Variants in RGN observed in about 807,000 individuals in gnomAD.
RGN encodes the protein epididymis secretory protein Li 41.
RGN carries 19 observed loss-of-function variants against 20.6 expected under a neutral mutation model. That is an observed-to-expected ratio of 0.92 (90% CI 0.64 to 1.35). The LOEUF (loss-of-function observed/expected upper bound fraction) is 1.35. Ranked by LOEUF, RGN falls within the 40% of genes most tolerant of loss-of-function variation. The probability of loss-of-function intolerance (pLI) is 0.00; values close to 1 mark genes in which losing one functional copy is unlikely to be tolerated. For missense variants in RGN, 302 were observed against 232.7 expected (o/e 1.30, Z -1.94); for synonymous variants, 85 against 87.2 (o/e 0.97, Z 0.14).
intron 5 of RGN, 35 bp from the exon 6 acceptor site, chrX:47,091,643 G>C (rs782338385): frequency 1.3e-5 from 15 of 1,188,738 alleles, no homozygotes; most frequent in Admixed American, 2.4e-5. Flanking sequence ...TTGTTTTGTT[G>C]TGGTTCTGTT....
At chrX:47,087,435 T>C (rs897272004) in intron 4 of RGN, 3 of 111,763 alleles carry the variant, frequency 2.7e-5, no homozygotes, top group Non-Finnish European at 5.6e-5. Flanking sequence ...GATAAAGATA[T>C]GTGATTGGAT....
chrX:47,092,370 A>G (rs1204571349), intron 7 of RGN, among the ~76,000 whole-genome samples, 155 bp downstream of exon 7: 3 of 111,742 alleles, frequency 2.7e-5, no homozygotes, highest in Non-Finnish European at 3.8e-5. Context: ...TTTTATTTCA[A>G]TTTTCTAGAG....
chrX:47,081,049 G>C, intron 2 of RGN, 81 bp from the exon 3 acceptor site: 1 of 685,980 alleles, frequency 1.5e-6, no homozygotes, highest in Non-Finnish European at 2.3e-6. Flanking sequence ...AGTGTATCCA[G>C]CCTTGCCAGT....
At position 47,081,162 on chromosome X, in the gene RGN, T is replaced by C; in HGVS notation, c.18T>C (p.Ile6=). MSSIK[I]ECVLPENCRC... ...CTGCGACCATGTCTTCCATTAAGAT[T>C]GAGTGTGTTTTGCCAGAGAACTGCC... is the stretch of plus-strand genomic sequence containing the variant. The change falls in exon 3 of 8, where the codon ATT becomes ATC. Residue 6 remains isoleucine, a synonymous_variant. Transcript: ENST00000397180. 8.3e-7 allele frequency: 1 copy of C among 1,207,486 alleles called. No homozygotes were observed. The highest frequency in any genetic ancestry group is 3.0e-5 in the East Asian group (1 of 33,814).
In RGN at chrX:47,089,622, CACACACACACAT is replaced by C. The variant is rs1556386364; in HGVS notation, c.347-152_347-141del. Among the ~76,000 whole-genome samples, 4 of 52,660 alleles carry C rather than the reference CACACACACACAT, an allele frequency of 7.6e-5. No homozygotes were observed. The East Asian group carries it at 2.0e-3, about 26-fold the overall frequency. The allele number at this position is 52,660 out of a possible 115,157, so 45.7% of individuals were successfully genotyped here. On this transcript the variant is annotated intron_variant, in intron 4 of 7. Coordinates refer to ENST00000397180, the MANE Select transcript of RGN (RefSeq NM_152869.4). Reference sequence around the variant, plus strand: ...ATACACACACACACACACACACACACACACACACACATATATATATATGGCCCAGATTGGAAT... The same window carrying C: ...ATACACACACACACACACACACACACATATATATATGGCCCAGATTGGAAT...
Position 47,087,955 on chromosome X carries a change from TATATTATATTAATATATA to T in RGN, c.347-1809_347-1792del, listed in dbSNP as rs1303749141. On this transcript the variant is annotated intron_variant, in intron 4 of 7. Coordinates refer to ENST00000397180, the MANE Select transcript of RGN (RefSeq NM_152869.4). ...TTATATAATATATAATACAACTATA[TATATTATATTAATATATA>T]ATATTATATTATATATAATTATAAT... Among the ~76,000 whole-genome samples the T allele has an allele frequency of 7.0e-5, 7 of 100,142 alleles. No homozygotes were observed. In the South Asian group the frequency reaches 2.0e-3, roughly 29 times the overall value. 87.0% of individuals were successfully genotyped at this position (100,142 alleles called of 115,157 possible).
intron 3 of RGN, among the ~76,000 whole-genome samples, chrX:47,081,775 G>C (rs1197104852): frequency 6.3e-5 from 7 of 111,326 alleles, no homozygotes; most frequent in African/African-American, 2.0e-4. Context: ...TCAAACTCCT[G>C]GGCTCAAGAG....
rs1930278858 is a variant in RGN, at chrX:47,081,134, C to G, written c.-11C>G. ...CACCTCTGTTACCTTCAATAGATCT[C>G]CCCTGCGACCATGTCTTCCATTAAG... is the stretch of plus-strand genomic sequence containing the variant. On this transcript the variant is annotated 5_prime_UTR_variant, in exon 3 of 8. Transcript: ENST00000397180. 1 of 1,200,653 alleles carries G rather than the reference C, an allele frequency of 8.3e-7. No homozygotes were observed. Among genetic ancestry groups the G allele is most frequent in the East Asian group, 3.0e-5 (1 of 33,796 alleles).
intron 3 of RGN, among the ~76,000 whole-genome samples, chrX:47,083,732 G>C (rs1302908605): frequency 9.0e-6 from 1 of 111,327 alleles, no homozygotes; most frequent in Non-Finnish European, 1.9e-5. Flanking sequence ...CCAACATGGT[G>C]AAACCCCATC....
In RGN at chrX:47,081,299, T is replaced by A. The variant is rs782736320; in HGVS notation, c.155T>A (p.Val52Glu). 1.7e-6 allele frequency: 2 copies of A among 1,207,534 alleles called. No individual in the cohort carries two copies. The highest frequency in any genetic ancestry group is 3.5e-5 in the African/African-American group (2 of 56,674). Reference protein sequence around the residue: ...WDSFTKQVQRVTMDAPVSSVA... With the variant: ...WDSFTKQVQRETMDAPVSSVA... ...TCATTCACCAAGCAAGTACAGCGAG[T>A]GACCATGGGTAAGGATGAAGGCTGG... The change falls in exon 3 of 8, where the codon GTG becomes GAG. Residue 52 changes from valine to glutamate, a missense_variant. Coordinates refer to ENST00000397180, the MANE Select transcript of RGN (RefSeq NM_152869.4).
At chrX:47,091,593 T>A in intron 5 of RGN, 85 bp from the exon 6 acceptor site, 1 of 1,050,417 alleles carries the variant, frequency 9.5e-7, no homozygotes, top group South Asian at 2.2e-5. Context: ...TATAACCAGC[T>A]TGAGAGCTCT....
chrX:47,086,020 A>T (rs1930571863), intron 4 of RGN, among the ~76,000 whole-genome samples: 1 of 112,220 alleles, frequency 8.9e-6, no homozygotes, highest in Admixed American at 9.5e-5. Flanking sequence ...CCAGCACAGG[A>T]TGCAGTCTAG....
intron 5 of RGN, among the ~76,000 whole-genome samples, chrX:47,090,989 A>T (rs1337980107): frequency 9.1e-6 from 1 of 110,243 alleles, no homozygotes; most frequent in Non-Finnish European, 1.9e-5. Context: ...AGAAAGATGT[A>T]GTGCTCTTTT....
At chrX:47,084,330 C>A in intron 3 of RGN, 88 bp from the exon 4 acceptor site, 1 of 835,168 alleles carries the variant, frequency 1.2e-6, no homozygotes, top group Non-Finnish European at 1.7e-6. Context: ...TGGGCTCCCG[C>A]TCTAAGAGAT....
At position 47,093,068 on chromosome X, in the gene RGN, T is replaced by A; in HGVS notation, c.*121T>A. The A allele has an allele frequency of 1.8e-6, 1 of 557,124 alleles. No homozygotes were observed. The highest frequency in any genetic ancestry group is 2.9e-6 in the Non-Finnish European group (1 of 345,954). The allele number at this position is 557,124 out of a possible 1,213,427, so 45.9% of individuals were successfully genotyped here. Reference sequence around the variant, plus strand: ...TGATTTTATTAACAGCGTTAAGTTTTAATTTACAACTTTTAAAAGGCAGAG... The same window carrying A: ...TGATTTTATTAACAGCGTTAAGTTTAAATTTACAACTTTTAAAAGGCAGAG... On this transcript the variant is annotated 3_prime_UTR_variant, in exon 8 of 8. Coordinates refer to ENST00000397180, the MANE Select transcript of RGN (RefSeq NM_152869.4).
At chrX:47,086,785 A>AGAGAAAGAGAG in intron 4 of RGN, among the ~76,000 whole-genome samples, 1 of 50,180 alleles carries the variant, frequency 2.0e-5, no homozygotes, top group Non-Finnish European at 4.1e-5. Context: ...GAGAGAGAGA[A>AGAGAAAGAGAG]AGAGAGAGAG....
intron 3 of RGN, among the ~76,000 whole-genome samples, chrX:47,081,616 C>T (rs139029447): frequency 0.034 from 3,671 of 109,418 alleles, 63 homozygotes; most frequent in Non-Finnish European, 0.052. Context: ...GGTGTGATCA[C>T]GGCTCACTGC....
chrX:47,079,745 A>T (rs1930215828), intron 1 of RGN, among the ~76,000 whole-genome samples: 1 of 111,164 alleles, frequency 9.0e-6, no homozygotes, highest in Non-Finnish European at 1.9e-5. Flanking sequence ...TTTCTTTTTT[A>T]AAATGTAGTT....
Position 47,089,632 on chromosome X carries a change from C to CAT in RGN, c.347-133_347-132dup, listed in dbSNP as rs1227990214. 519 of 203,802 alleles carry CAT rather than the reference C, an allele frequency of 2.5e-3. 1 individual carries two copies. The highest frequency in any genetic ancestry group is 0.015 in the East Asian group (167 of 11,502). The allele number at this position is 203,802 out of a possible 1,213,427, so 16.8% of individuals were successfully genotyped here. The stretch of plus-strand genomic sequence containing the variant: ...ACACACACACACACACACACACACA[C>CAT]ATATATATATATGGCCCAGATTGGA... On this transcript the variant is annotated intron_variant, in intron 4 of 7. Coordinates refer to ENST00000397180, the MANE Select transcript of RGN (RefSeq NM_152869.4).
Sources: gnomAD v4.1 joint callset for allele counts (sites outside exome capture counted in the v4.1 genomes callset) on GRCh38, gnomAD v4.1.1 for gene constraint, MANE v1.5 for transcripts, NCBI Gene and HGNC (gene_info 2026-07-23, HGNC 2026-07-21) for gene names.